Variants in RMST observed in about 807,000 individuals in gnomAD.
The protein encoded by RMST is long intergenic non-protein coding RNA 54.
Position 97,542,203 on chromosome 12 carries a change from T to G in RMST, n.1545+11344T>G, listed in dbSNP as rs551483373. 3.6e-4 allele frequency among the ~76,000 whole-genome samples: 55 copies of G among 151,842 alleles called. 1 individual carries two copies. Among genetic ancestry groups the G allele is most frequent in the Non-Finnish European group, 1.0e-4 (7 of 67,882 alleles). ...ATGTTAGCTTCCATGTCTATAAAAT[T>G]GAGTTGATCATAAGATTGATATGAG... On this transcript the variant is annotated intron_variant and non_coding_transcript_variant, in intron 11 of 13. Transcript: ENST00000640149.
chr12:97,522,871 C>T (rs543311845), intron 10 of RMST, among the ~76,000 whole-genome samples: 10 of 152,114 alleles, frequency 6.6e-5, no homozygotes, highest in African/African-American at 9.6e-5. Context: ...TAAGCTTTTG[C>T]GTGGATTATG....
At chr12:97,467,234 G>A (rs1218175642) in intron 5 of RMST, among the ~76,000 whole-genome samples, 1 of 151,992 alleles carries the variant, frequency 6.6e-6, no homozygotes. Flanking sequence ...TACCGCTAAT[G>A]TTACCAGGAA....
chr12:97,547,937 C>T (rs1485470251), intron 11 of RMST, among the ~76,000 whole-genome samples: 1 of 151,770 alleles, frequency 6.6e-6, no homozygotes, highest in Non-Finnish European at 1.5e-5. Flanking sequence ...GTTGCCTGTG[C>T]CTTGGGGTCA....
At chr12:97,464,426 TC>T (rs916057546) in intron 4 of RMST, among the ~76,000 whole-genome samples, 34 of 152,180 alleles carry the variant, frequency 2.2e-4, no homozygotes, top group African/African-American at 7.7e-4. Flanking sequence ...ATTCGGAGCT[TC>T]CTGTGATATA....
intron 10 of RMST, among the ~76,000 whole-genome samples, chr12:97,501,727 T>C (rs1878095502): frequency 6.6e-6 from 1 of 152,240 alleles, no homozygotes; most frequent in Middle Eastern, 3.4e-3. Context: ...CCATGAAAAA[T>C]GGCTGGTTAG....
chr12:97,539,335 C>T (rs1361161040), intron 11 of RMST, among the ~76,000 whole-genome samples: 1 of 151,538 alleles, frequency 6.6e-6, no homozygotes, highest in Non-Finnish European at 1.5e-5. Flanking sequence ...ATGGACAGTG[C>T]AAGAGAGTTC....
chr12:97,519,424 A>G (rs1880283597), intron 10 of RMST, among the ~76,000 whole-genome samples: 1 of 152,228 alleles, frequency 6.6e-6, no homozygotes, highest in Non-Finnish European at 1.5e-5. Flanking sequence ...GGTGACTACA[A>G]CAAAAGCTAA....
At chr12:97,551,883 AACATTTGAGTTCCATGCT>A (rs1207010786) in intron 11 of RMST, 1 of 152,182 alleles carries the variant, frequency 6.6e-6, no homozygotes, top group Non-Finnish European at 1.5e-5. Flanking sequence ...GGACCAAGAT[AACATTTGAGTTCCATGCT>A]ACCAAAATCC....
At chr12:97,486,938 A>G (rs1273355666) in intron 5 of RMST, among the ~76,000 whole-genome samples, 1 of 152,206 alleles carries the variant, frequency 6.6e-6, no homozygotes, top group Admixed American at 6.5e-5. Context: ...AAACTTATGA[A>G]CAAAAGGGAA....
At chr12:97,484,590 A>G (rs1875853878) in intron 5 of RMST, among the ~76,000 whole-genome samples, 1 of 152,188 alleles carries the variant, frequency 6.6e-6, no homozygotes. Context: ...AACTATGATA[A>G]AAACAGAAGA....
At chr12:97,560,615 A>G (rs1884048615) in exon 12 of RMST, 1 of 152,238 alleles carries the variant, frequency 6.6e-6, no homozygotes, top group Non-Finnish European at 1.5e-5. Flanking sequence ...GGATAAGTCG[A>G]CGGAGGCAGA....
At chr12:97,524,078 A>G (rs1383391473) in intron 10 of RMST, among the ~76,000 whole-genome samples, 2,998 of 116,634 alleles carry the variant, frequency 0.026, 475 homozygotes, top group Non-Finnish European at 0.04. Flanking sequence ...TCTGTCTCAA[A>G]AAAAAAAAAA....
At chr12:97,560,115 C>A (rs952336360) in intron 11 of RMST, among the ~76,000 whole-genome samples, 2 of 151,982 alleles carry the variant, frequency 1.3e-5, no homozygotes, top group Admixed American at 1.3e-4. Context: ...TAATAATTAT[C>A]CCTCTAATTT....
chr12:97,465,834 T>G (rs182787157), intron 5 of RMST: 25 of 152,280 alleles, frequency 1.6e-4, no homozygotes, highest in Admixed American at 3.3e-4. Flanking sequence ...AAAATTTGAT[T>G]TTTTAAAAAT....
chr12:97,473,005 G>T (rs1874110525), intron 5 of RMST, among the ~76,000 whole-genome samples: 1 of 152,024 alleles, frequency 6.6e-6, no homozygotes. Context: ...GAATTGGAGA[G>T]AAAAGAAAAC....
At chr12:97,520,319 C>A (rs2136547313) in intron 10 of RMST, among the ~76,000 whole-genome samples, 1 of 152,248 alleles carries the variant, frequency 6.6e-6, no homozygotes, top group East Asian at 1.9e-4. Flanking sequence ...GGAGACAGCT[C>A]ATCTGTTTAA....
At chr12:97,481,131 G>A (rs1741910781) in intron 5 of RMST, among the ~76,000 whole-genome samples, 1 of 152,106 alleles carries the variant, frequency 6.6e-6, no homozygotes, top group Admixed American at 6.5e-5. Flanking sequence ...TTCATGTAAG[G>A]ATGCATTTAT....
At chr12:97,513,140 C>G (rs977211510) in intron 10 of RMST, among the ~76,000 whole-genome samples, 2 of 152,202 alleles carry the variant, frequency 1.3e-5, no homozygotes, top group African/African-American at 2.4e-5. Flanking sequence ...TCCCTGCAAG[C>G]TGAGGGGGCC....
chr12:97,531,656 T>C (rs1042760697), intron 11 of RMST, among the ~76,000 whole-genome samples: 6 of 151,890 alleles, frequency 4.0e-5, no homozygotes, highest in Non-Finnish European at 8.8e-5. Context: ...AAGGCAAGTT[T>C]GGGTTATTTA....
Sources: allele counts gnomAD v4.1 joint callset (sites outside exome capture counted in the v4.1 genomes callset), GRCh38; gene constraint gnomAD v4.1.1; transcripts MANE v1.5; gene names NCBI Gene and HGNC (gene_info 2026-07-23, HGNC 2026-07-21).